ZNF469: variants seen among roughly 807,000 people sequenced by gnomAD.
ZNF469 encodes the protein zinc finger protein 469.
A neutral mutation model predicts 1.0 loss-of-function variants in ZNF469; 1 was observed. The ratio of observed to expected loss-of-function variants is 1.00; its 90% CI spans 0.35 to 4.73. ZNF469 has a LOEUF of 4.73. Ranked by LOEUF, ZNF469 falls within the 30% of genes most tolerant of loss-of-function variation. The pLI, the probability that ZNF469 is intolerant of heterozygous loss-of-function variation, is 0.16. For synonymous variants in ZNF469, 2,703 were observed against 2,363.4 expected (o/e 1.14, Z -4.17); for missense variants, 6,100 against 5,356.3 (o/e 1.14, Z -4.33).
rs1257644352 is a variant in ZNF469 at position 88,436,389 on chromosome 16, G to T, written c.8919G>T (p.Lys2973Asn). ...LEPSREAGAE[K>N]LPSHCPEDDR... ...CCAGCAGGGAAGCTGGTGCAGAGAAGCTGCCCTCCCACTGCCCCGAGGACG... is the reference window on the plus strand; with the variant it reads ...CCAGCAGGGAAGCTGGTGCAGAGAATCTGCCCTCCCACTGCCCCGAGGACG... The change falls in exon 3 of 3, where the codon AAG (lysine) becomes AAT (asparagine). Residue 2973 changes from lysine to asparagine, a missense_variant. Transcript: ENST00000565624. 6.5e-7 allele frequency: 1 copy of T among 1,549,904 alleles called. No homozygotes were observed.
At chr16:88,222,282 T>TTTTG in the ZNF469 span, among the ~76,000 whole-genome samples, 170 of 152,182 alleles carry the variant, frequency 1.1e-3, no homozygotes, top group African/African-American at 3.6e-3. Context: ...TGTTTCTTTG[T>TTTTG]TTTGTTTGTT....
chr16:88,184,224 C>G, the ZNF469 span, among the ~76,000 whole-genome samples: 1 of 152,074 alleles, frequency 6.6e-6, no homozygotes, highest in Admixed American at 6.5e-5. Context: ...CAGGGAAGAC[C>G]GATCACCACA....
the ZNF469 span, among the ~76,000 whole-genome samples, chr16:88,158,336 G>A: frequency 1.3e-5 from 2 of 151,950 alleles, no homozygotes; most frequent in Non-Finnish European, 2.9e-5. Context: ...TGGGGTGGGG[G>A]CACGGGAAGC....
the ZNF469 span, among the ~76,000 whole-genome samples, chr16:88,366,836 C>G: frequency 6.6e-6 from 1 of 151,184 alleles, no homozygotes; most frequent in African/African-American, 2.4e-5. Context: ...CCATAACCAT[C>G]ATCATTACCA....
chr16:88,438,449 G>A lies in ZNF469; in HGVS notation c.10979G>A (p.Gly3660Glu), dbSNP rs901871782. The A allele has an allele frequency of 3.2e-6, 5 of 1,550,152 alleles. No homozygotes were observed. The highest frequency in any genetic ancestry group is 4.4e-6 in the Non-Finnish European group (5 of 1,146,964). ...TCAAGCCACATGGTGTCTGAGGGGG[G>A]GCCCCGAGGCGCCTTCCACAAGGGC... is the stretch of plus-strand genomic sequence containing the variant. ...VSSSHMVSEGGPRGAFHKGSA... is the reference protein window; with the variant it reads ...VSSSHMVSEGEPRGAFHKGSA... The change falls in exon 3 of 3, where the codon GGG (glycine) becomes GAG (glutamate). Residue 3660 changes from glycine (G) to glutamate (E), a missense_variant. Coordinates refer to ENST00000565624, the MANE Select transcript of ZNF469 (RefSeq NM_001367624.2).
chr16:88,247,432 ATGAGTGAATAAG>A, the ZNF469 span, among the ~76,000 whole-genome samples: 6 of 151,188 alleles, frequency 4.0e-5, no homozygotes, highest in African/African-American at 9.7e-5. Flanking sequence ...GAATGAATGA[ATGAGTGAATAAG>A]TGAGTGAATG....
At chr16:88,221,871 G>A in the ZNF469 span, among the ~76,000 whole-genome samples, 2 of 152,240 alleles carry the variant, frequency 1.3e-5, no homozygotes, top group East Asian at 3.9e-4. Context: ...CTGTCCCGTG[G>A]ATTTTCTCTT....
At chr16:88,163,895 AATGGATGG>A in the ZNF469 span, among the ~76,000 whole-genome samples, 1 of 140,352 alleles carries the variant, frequency 7.1e-6, no homozygotes, top group Non-Finnish European at 1.5e-5. Context: ...TGGGTAGATG[AATGGATGG>A]ATGGATGGAT....
the ZNF469 span, among the ~76,000 whole-genome samples, chr16:88,104,553 G>A: frequency 6.6e-6 from 1 of 152,240 alleles, no homozygotes. Context: ...GTCAGCTCTG[G>A]TCCTGTCCCA....
chr16:88,381,450 T>G (rs1020575316), upstream of ZNF469, among the ~76,000 whole-genome samples: 17 of 151,874 alleles, frequency 1.1e-4, no homozygotes, highest in African/African-American at 3.9e-4. Flanking sequence ...GTTTGGAAAT[T>G]GAAGTCTTTC....
chr16:88,390,216 G>A (rs886725000), intron 1 of ZNF469, among the ~76,000 whole-genome samples: 2 of 152,210 alleles, frequency 1.3e-5, no homozygotes, highest in Non-Finnish European at 2.9e-5. Flanking sequence ...TTCAGCTCAG[G>A]CCTGTCTCAC....
chr16:88,288,575 A>T, the ZNF469 span, among the ~76,000 whole-genome samples: 19 of 152,340 alleles, frequency 1.2e-4, no homozygotes, highest in East Asian at 3.7e-3. Context: ...AACACCTGCT[A>T]TGTGTGTTTG....
At chr16:88,198,757 C>G in the ZNF469 span, among the ~76,000 whole-genome samples, 1 of 152,130 alleles carries the variant, frequency 6.6e-6, no homozygotes. Context: ...GTTCTGTGGT[C>G]TTGGACAGAG....
rs968718787 is a variant in ZNF469, at chr16:88,432,408, C to A, written c.4938C>A (p.Thr1646=). 2 of 1,549,882 alleles carry A rather than the reference C, an allele frequency of 1.3e-6. No individual in the cohort carries two copies. Among genetic ancestry groups the A allele is most frequent in the Non-Finnish European group, 1.7e-6 (2 of 1,146,914 alleles). The stretch of plus-strand genomic sequence containing the variant: ...AGGGTGCGGAATCGGCTGTGGCCAC[C>A]GTGGAAGCGGTTCAGGGGAGGCCTG... ...HREGAESAVA[T]VEAVQGRPGG... is the part of the protein sequence containing the mutation. The change falls in exon 3 of 3, where the codon ACC becomes ACA. Residue 1646 remains threonine (T), a synonymous_variant. Coordinates refer to ENST00000565624, the MANE Select transcript of ZNF469 (RefSeq NM_001367624.2).
chr16:88,168,157 T>G, the ZNF469 span, among the ~76,000 whole-genome samples: 1 of 152,254 alleles, frequency 6.6e-6, no homozygotes, highest in Non-Finnish European at 1.5e-5. The surrounding 1 kb of genome is among the most constrained non-coding windows in gnomAD (Gnocchi z 4.3). Context: ...TTTATAAGCC[T>G]CTTACCATCT....
chr16:88,345,228 C>A, the ZNF469 span, among the ~76,000 whole-genome samples: 1 of 152,226 alleles, frequency 6.6e-6, no homozygotes, highest in Non-Finnish European at 1.5e-5. Flanking sequence ...CAAAAGGAGA[C>A]CCTGGCATGG....
chr16:88,355,198 C>G, the ZNF469 span, among the ~76,000 whole-genome samples: 1 of 152,224 alleles, frequency 6.6e-6, no homozygotes, highest in Non-Finnish European at 1.5e-5. Flanking sequence ...ATCACGCCCC[C>G]TCCCAGAGTC....
chr16:88,381,738 G>T (rs143807821), upstream of ZNF469, among the ~76,000 whole-genome samples: 217 of 152,360 alleles, frequency 1.4e-3, no homozygotes, highest in African/African-American at 4.8e-3. Flanking sequence ...ACGTTTTCGC[G>T]TCCACTGGCA....
At chr16:88,238,895 C>A in the ZNF469 span, among the ~76,000 whole-genome samples, 10 of 152,106 alleles carry the variant, frequency 6.6e-5, no homozygotes, top group Admixed American at 4.6e-4. Flanking sequence ...GCCCCTCAGC[C>A]TTGTGGAGAT....
Sources: gnomAD v4.1 joint callset for allele counts (sites outside exome capture counted in the v4.1 genomes callset) on GRCh38, gnomAD v4.1.1 for gene constraint, Gnocchi (gnomAD v3.1) non-coding constraint, MANE v1.5 for transcripts, NCBI Gene and HGNC (gene_info 2026-07-23, HGNC 2026-07-21) for gene names.